Variants in UBE3A observed in about 807,000 individuals in gnomAD.
UBE3A encodes the protein ubiquitin-protein ligase E3A.
In UBE3A, 6 loss-of-function variants were observed where a neutral mutation model predicts 83.4. That is an observed-to-expected ratio of 0.07 (90% CI 0.04 to 0.14). UBE3A has a LOEUF of 0.14. Among genes scored for constraint, UBE3A ranks in the 10% least tolerant of loss-of-function variants. The probability of loss-of-function intolerance (pLI) is 1.00; values close to 1 mark genes in which losing one functional copy is unlikely to be tolerated. For synonymous variants in UBE3A, 337 were observed against 355.4 expected (o/e 0.95, Z 0.58); for missense variants, 456 against 1,036.1 (o/e 0.44, Z 7.69).
intron 1 of UBE3A, among the ~76,000 whole-genome samples, chr15:25,421,081 A>G (rs148557880): frequency 1.3e-5 from 2 of 152,324 alleles, no homozygotes; most frequent in East Asian, 1.9e-4. Context: ...ATAATCCCCA[A>G]TGTTGGGGGT....
At chr15:25,436,852 T>A (rs912713472) in intron 1 of UBE3A, among the ~76,000 whole-genome samples, 37 of 152,330 alleles carry the variant, frequency 2.4e-4, no homozygotes, top group South Asian at 6.2e-4. Context: ...TGTATCTCTG[T>A]ATAAAGTTAA....
rs1566941042 is a variant in UBE3A, at chr15:25,367,221, TTA to T, written c.1608+3343_1608+3344del. Among the ~76,000 whole-genome samples the T allele has an allele frequency of 4.1e-5, 3 of 73,972 alleles. No homozygotes were observed. In the African/African-American group the frequency reaches 4.5e-4, roughly 11 times the overall value. 48.5% of individuals were successfully genotyped at this position (73,972 alleles called of 152,430 possible). The stretch of plus-strand genomic sequence containing the variant: ...TACATATTTGTAAATATGTAAATAT[TTA>T]CATATTTGTAAATATGTAAATATTT... On this transcript the variant is annotated intron_variant, in intron 6 of 12. Coordinates refer to ENST00000648336, the MANE Select transcript of UBE3A (RefSeq NM_130839.5).
chr15:25,349,836 G>A (rs910701698), intron 11 of UBE3A, among the ~76,000 whole-genome samples: 10 of 152,130 alleles, frequency 6.6e-5, no homozygotes, highest in Non-Finnish European at 1.5e-4. Context: ...TGCAACAGTC[G>A]ATCTGATAAC....
chr15:25,364,179 G>A (rs2078637183), intron 6 of UBE3A, among the ~76,000 whole-genome samples: 1 of 151,798 alleles, frequency 6.6e-6, no homozygotes, highest in Admixed American at 6.6e-5. Context: ...TGTACTCCAG[G>A]CCTGGGTGAC....
chr15:25,397,713 C>T (rs187883555), intron 4 of UBE3A, among the ~76,000 whole-genome samples: 1 of 152,238 alleles, frequency 6.6e-6, no homozygotes, highest in East Asian at 1.9e-4. Context: ...TAATTTGAAA[C>T]TCATGTCATC....
intron 1 of UBE3A, among the ~76,000 whole-genome samples, chr15:25,421,395 C>T (rs1889766510): frequency 6.6e-6 from 1 of 152,126 alleles, no homozygotes; most frequent in African/African-American, 2.4e-5. Context: ...CTCAGATATT[C>T]ATTTAAGGCA....
intron 11 of UBE3A, among the ~76,000 whole-genome samples, chr15:25,352,103 G>A (rs1219565588): frequency 1.3e-5 from 2 of 152,134 alleles, no homozygotes; most frequent in African/African-American, 2.4e-5. Flanking sequence ...GCTGAGGCAG[G>A]AGAATCACTT....
rs563446970 is a variant in UBE3A at position 25,338,358 on chromosome 15, T to C, written c.*779A>G. ...AAGAACAAAAATCCCTGTCCTTTCA[T>C]ATACTAAGAAAGAGGATTGGCTACT... On this transcript the variant is annotated 3_prime_UTR_variant, in exon 13 of 13. Transcript: ENST00000648336. The C allele has an allele frequency of 3.3e-5, 5 of 152,208 alleles. No individual in the cohort carries two copies. The highest frequency in any genetic ancestry group is 1.2e-4 in the African/African-American group (5 of 41,566). The allele number at this position is 152,208 out of a possible 1,614,324, so 9.4% of individuals were successfully genotyped here. A position where few individuals can be genotyped will look rare whatever the true frequency, so the allele number is the denominator to read the frequency against.
chr15:25,430,016 C>CA (rs1326750503), intron 1 of UBE3A, among the ~76,000 whole-genome samples: 19 of 35,178 alleles, frequency 5.4e-4, no homozygotes, highest in African/African-American at 1.0e-3. Flanking sequence ...GGAGGAAAAA[C>CA]AAAAAAAAAC....
intron 6 of UBE3A, among the ~76,000 whole-genome samples, chr15:25,369,281 G>A (rs1315673203): frequency 1.3e-5 from 2 of 150,202 alleles, no homozygotes; most frequent in African/African-American, 4.9e-5. Context: ...TTTTGTCTCT[G>A]CTAGAAAACC....
Position 25,339,083 on chromosome 15 carries a change from A to C in UBE3A, c.*54T>G. ...TCGTTATATTTTTAAAATTTTTTAA[A>C]TTTTTTCTTTTTTTTTCCTTCCTTT... On this transcript the variant is annotated 3_prime_UTR_variant, in exon 13 of 13. Coordinates refer to ENST00000648336, the MANE Select transcript of UBE3A (RefSeq NM_130839.5). The C allele has an allele frequency of 6.8e-7, 1 of 1,476,372 alleles. No individual in the cohort carries two copies. Among genetic ancestry groups the C allele is most frequent in the African/African-American group, 1.4e-5 (1 of 69,658 alleles). The allele number at this position is 1,476,372 out of a possible 1,614,324, so 91.5% of individuals were successfully genotyped here.
chr15:25,421,192 G>A (rs568223167), intron 1 of UBE3A, among the ~76,000 whole-genome samples: 1 of 152,188 alleles, frequency 6.6e-6, no homozygotes, highest in African/African-American at 2.4e-5. Context: ...CGTTTAAAAA[G>A]GGTGTGCCAC....
chr15:25,375,855 A>G, intron 4 of UBE3A, 92 bp from the exon 5 acceptor site: 5 of 1,445,562 alleles, frequency 3.5e-6, no homozygotes, highest in Non-Finnish European at 4.8e-6. Context: ...TTAGTCAAGC[A>G]CTGAAGTGAT....
intron 5 of UBE3A, chr15:25,375,212 T>G (rs573668267): frequency 2.1e-4 from 97 of 462,982 alleles, no homozygotes; most frequent in African/African-American, 1.8e-3. Flanking sequence ...AATACATTTT[T>G]CCTAAGAATT....
At chr15:25,397,931 CTT>C (rs1178251113) in intron 4 of UBE3A, among the ~76,000 whole-genome samples, 2 of 152,070 alleles carry the variant, frequency 1.3e-5, no homozygotes, top group Non-Finnish European at 2.9e-5. Context: ...ACTCCCTTGT[CTT>C]TGTTAGACAT....
rs1166744573 is a variant in UBE3A at position 25,405,468 on chromosome 15, T to C, written c.55A>G (p.Ser19Gly). ...GEPQSDDIEA[S>G]RMKRAAAKHL... ...CAACCAAGTTACACTTACATTCGGC[T>C]AGCTTCAATGTCGTCAGACTGAGGT... The change falls in exon 4 of 13, where the codon AGC becomes GGC. Residue 19 changes from serine (S) to glycine (G), a missense_variant. This residue lies in a region of UBE3A where 9 missense variants were observed against 45.4 expected (regional missense o/e 0.20). Transcript: ENST00000648336. 1 of 1,613,918 alleles carries C rather than the reference T, an allele frequency of 6.2e-7. No homozygotes were observed. The highest frequency in any genetic ancestry group is 1.1e-5 in the South Asian group (1 of 91,080).
At chr15:25,390,772 C>T (rs939328442) in intron 4 of UBE3A, among the ~76,000 whole-genome samples, 2 of 151,964 alleles carry the variant, frequency 1.3e-5, no homozygotes, top group African/African-American at 2.4e-5. Context: ...ATATAAACTA[C>T]GGACTTTGGG....
chr15:25,407,642 G>A (rs1457699467), intron 3 of UBE3A: 1 of 152,194 alleles, frequency 6.6e-6, no homozygotes, highest in Non-Finnish European at 1.5e-5. Flanking sequence ...AAAAACCATT[G>A]ATAAGACAAG....
At chr15:25,410,046 T>C (rs1006900811) in intron 2 of UBE3A, among the ~76,000 whole-genome samples, 2 of 152,058 alleles carry the variant, frequency 1.3e-5, no homozygotes, top group Non-Finnish European at 2.9e-5. Flanking sequence ...TAATGCTAAA[T>C]GACGAGTTAA....
Sources: gnomAD v4.1 joint callset for allele counts (sites outside exome capture counted in the v4.1 genomes callset) on GRCh38, gnomAD v4.1.1 for gene constraint, gnomAD v4.1.1 regional missense constraint, MANE v1.5 for transcripts, NCBI Gene and HGNC (gene_info 2026-07-23, HGNC 2026-07-21) for gene names.